Variants in CHD1L observed in about 807,000 individuals in gnomAD.
CHD1L encodes chromodomain helicase DNA binding protein 1 like, also known as ATP-dependent chromatin remodeler CHD1L.
CHD1L carries 118 observed loss-of-function variants against 115.9 expected under a neutral mutation model. That is an observed-to-expected ratio of 1.02 (90% confidence interval 0.88 to 1.19). The LOEUF is 1.19. Among genes scored for constraint, CHD1L ranks in the 50% most tolerant of loss-of-function variants. The probability of loss-of-function intolerance (pLI) is 0.00; values close to 1 mark genes in which losing one functional copy is unlikely to be tolerated. For missense variants in CHD1L, 1,179 were observed against 1,065.3 expected (o/e 1.11, Z -1.49); for synonymous variants, 411 against 387.1 (o/e 1.06, Z -0.72).
At chr1:147,278,783 A>G (rs1300836032) in intron 14 of CHD1L, among the ~76,000 whole-genome samples, 3 of 152,158 alleles carry the variant, frequency 2.0e-5, no homozygotes, top group Admixed American at 1.3e-4. Context: ...TGAGATAGAC[A>G]CTATCTTTAT....
intron 1 of CHD1L, among the ~76,000 whole-genome samples, chr1:147,243,524 C>A (rs1559711174): frequency 6.6e-6 from 1 of 152,182 alleles, no homozygotes; most frequent in Non-Finnish European, 1.5e-5. Flanking sequence ...ACCTTGCATG[C>A]CCCCCAGCCC....
the CHD1L span, among the ~76,000 whole-genome samples, chr1:147,202,256 C>G: frequency 6.8e-6 from 1 of 147,258 alleles, no homozygotes; most frequent in South Asian, 2.2e-4. Context: ...TTTGCCATTA[C>G]TTTTAATAAT....
chr1:147,250,449 C>T (rs1668052261), intron 1 of CHD1L, among the ~76,000 whole-genome samples: 1 of 152,082 alleles, frequency 6.6e-6, no homozygotes, highest in Non-Finnish European at 1.5e-5. Context: ...CCTTCAGCCT[C>T]TGTCCACATC....
the CHD1L span, among the ~76,000 whole-genome samples, chr1:147,231,064 G>A: frequency 9.9e-5 from 15 of 152,050 alleles, no homozygotes; most frequent in African/African-American, 2.9e-4. Context: ...GAATGTGTTC[G>A]CTCTTGCTTC....
intron 10 of CHD1L, among the ~76,000 whole-genome samples, chr1:147,270,160 A>T (rs1553951776): frequency 2.6e-5 from 4 of 152,140 alleles, no homozygotes. Flanking sequence ...TTCCTCTTAC[A>T]CTTGTTGCAA....
intron 10 of CHD1L, among the ~76,000 whole-genome samples, chr1:147,270,226 CTTT>C (rs1475587308): frequency 6.6e-6 from 1 of 152,114 alleles, no homozygotes; most frequent in Non-Finnish European, 1.5e-5. Flanking sequence ...TGCTGTGCTT[CTTT>C]GTTTATGCAA....
upstream of CHD1L, among the ~76,000 whole-genome samples, chr1:147,239,905 T>C (rs1664717315): frequency 1.3e-5 from 2 of 152,310 alleles, no homozygotes; most frequent in Middle Eastern, 3.4e-3. Flanking sequence ...AAGTCATACA[T>C]GGAGACCAAG....
the CHD1L span, chr1:147,208,794 A>T: frequency 7.0e-7 from 1 of 1,423,746 alleles, no homozygotes; most frequent in South Asian, 1.2e-5. Context: ...GCCAGTGTGA[A>T]GAGTCCTTAT....
chr1:147,203,652 C>G, the CHD1L span: 12 of 1,391,218 alleles, frequency 8.6e-6, no homozygotes, highest in Middle Eastern at 3.7e-4. Context: ...GGACATGTCT[C>G]TCCATATGAT....
intron 18 of CHD1L, among the ~76,000 whole-genome samples, chr1:147,287,091 T>C (rs1683465219): frequency 6.6e-6 from 1 of 152,224 alleles, no homozygotes; most frequent in African/African-American, 2.4e-5. Context: ...AAAATACACT[T>C]ATGGCAGCAG....
chr1:147,239,540 C>G (rs1664704669), upstream of CHD1L, among the ~76,000 whole-genome samples: 1 of 152,156 alleles, frequency 6.6e-6, no homozygotes, highest in Non-Finnish European at 1.5e-5. Flanking sequence ...ATGCTGGCCC[C>G]AAAACTATCA....
At chr1:147,281,708 T>A (rs1366277601) in intron 15 of CHD1L, among the ~76,000 whole-genome samples, 1 of 152,112 alleles carries the variant, frequency 6.6e-6, no homozygotes, top group African/African-American at 2.4e-5. Flanking sequence ...TATGGCTTCT[T>A]AATATGTATT....
At chr1:147,267,957 C>T (rs587605747) in intron 9 of CHD1L, among the ~76,000 whole-genome samples, 34 of 152,252 alleles carry the variant, frequency 2.2e-4, no homozygotes, top group African/African-American at 7.2e-4. Flanking sequence ...CTTTCCTCAC[C>T]GCTACTCCAG....
intron 2 of CHD1L, among the ~76,000 whole-genome samples, chr1:147,253,652 A>T (rs587744802): frequency 6.6e-6 from 1 of 152,274 alleles, no homozygotes; most frequent in East Asian, 1.9e-4. Flanking sequence ...GCATGCCACC[A>T]TGCACAGCTT....
At chr1:147,179,125 A>G in the CHD1L span, 1 of 1,614,124 alleles carries the variant, frequency 6.2e-7, no homozygotes, top group African/African-American at 1.3e-5. Flanking sequence ...GAAGTTTGTC[A>G]TGCAGGAGGA....
At chr1:147,219,841 T>TC in the CHD1L span, among the ~76,000 whole-genome samples, 78 of 27,860 alleles carry the variant, frequency 2.8e-3, no homozygotes, top group African/African-American at 4.6e-3. Flanking sequence ...TGTTAATTGC[T>TC]TTTTTTTTTT....
intron 15 of CHD1L, 30 bp from the exon 16 acceptor site, chr1:147,284,321 C>G: frequency 6.6e-7 from 1 of 1,509,466 alleles, no homozygotes; most frequent in East Asian, 2.3e-5. Context: ...TGGTATCTAA[C>G]ATTTCTCTCT....
chr1:147,191,319 A>G, the CHD1L span, among the ~76,000 whole-genome samples: 1 of 151,990 alleles, frequency 6.6e-6, no homozygotes, highest in Non-Finnish European at 1.5e-5. Context: ...AAGTGTTCCT[A>G]TTTCTCCACA....
At chr1:147,242,341 C>A (rs1399002182), upstream of CHD1L, among the ~76,000 whole-genome samples, 1 of 152,166 alleles carries the variant, frequency 6.6e-6, no homozygotes, top group Non-Finnish European at 1.5e-5. Context: ...ACCCCCAGGG[C>A]CCAGCGGAGT....
Sources: allele counts gnomAD v4.1 joint callset (sites outside exome capture counted in the v4.1 genomes callset), GRCh38; gene constraint gnomAD v4.1.1; transcripts MANE v1.5; gene names NCBI Gene and HGNC (gene_info 2026-07-23, HGNC 2026-07-21).